The following CACNA2D3 variants were observed in gnomAD, a reference collection of about 807,000 sequenced individuals.
CACNA2D3 encodes the protein voltage-dependent calcium channel subunit alpha-2/delta-3.
A neutral mutation model predicts 160.6 loss-of-function variants in CACNA2D3; 60 were observed. The observed-to-expected ratio is 0.37, with a 90% CI of 0.30 to 0.46. The LOEUF (loss-of-function observed/expected upper bound fraction) is 0.46. Among genes scored for constraint, CACNA2D3 ranks in the 20% least tolerant of loss-of-function variants. CACNA2D3 has a pLI of 1.00. For missense variants in CACNA2D3, 1,205 were observed against 1,365.0 expected (o/e 0.88, Z 1.85); for synonymous variants, 558 against 492.9 (o/e 1.13, Z -1.75).
chr3:54,476,278 T>C (rs1700829951), intron 4 of CACNA2D3, among the ~76,000 whole-genome samples: 1 of 150,576 alleles, frequency 6.6e-6, no homozygotes, highest in African/African-American at 2.4e-5. Flanking sequence ...ATATATCACA[T>C]ATATCACATT....
At chr3:54,691,734 T>A (rs1428584813) in intron 11 of CACNA2D3, among the ~76,000 whole-genome samples, 1 of 152,186 alleles carries the variant, frequency 6.6e-6, no homozygotes, top group Non-Finnish European at 1.5e-5. Flanking sequence ...GAGGATGTGT[T>A]GCTGTATTTT....
chr3:54,871,448 A>G (rs965734744), intron 17 of CACNA2D3, 91 bp from the exon 18 acceptor site: 8 of 937,556 alleles, frequency 8.5e-6, no homozygotes, highest in African/African-American at 8.1e-5. Flanking sequence ...AGCCCTGTCC[A>G]TGAAACAGGA....
At chr3:54,204,684 T>C (rs1185952844) in intron 2 of CACNA2D3, among the ~76,000 whole-genome samples, 1 of 149,870 alleles carries the variant, frequency 6.7e-6, no homozygotes. Flanking sequence ...TAATCCCAGC[T>C]ACTTGGGAGG....
chr3:54,951,184 T>C (rs1157844440), intron 27 of CACNA2D3, among the ~76,000 whole-genome samples: 3 of 152,144 alleles, frequency 2.0e-5, no homozygotes, highest in Admixed American at 1.3e-4. Context: ...TACAAGATAA[T>C]ACAGAATAAA....
chr3:54,930,522 T>C (rs530829657), intron 27 of CACNA2D3, among the ~76,000 whole-genome samples: 2 of 152,318 alleles, frequency 1.3e-5, no homozygotes, highest in South Asian at 4.1e-4. Context: ...CTTGGGGGCC[T>C]GAAAATGATC....
At chr3:54,599,385 C>T (rs1703021131) in intron 9 of CACNA2D3, among the ~76,000 whole-genome samples, 1 of 152,154 alleles carries the variant, frequency 6.6e-6, no homozygotes, top group Non-Finnish European at 1.5e-5. Context: ...CAAATGTCGG[C>T]AATTTCATGT....
intron 2 of CACNA2D3, among the ~76,000 whole-genome samples, chr3:54,208,926 C>T (rs1317627840): frequency 1.3e-5 from 2 of 151,922 alleles, no homozygotes; most frequent in Non-Finnish European, 2.9e-5. Flanking sequence ...TGGTGGAAGG[C>T]AAAAGGCACA....
In CACNA2D3 at chr3:54,870,544, A is replaced by C. The variant is rs141671508; in HGVS notation, c.1627-995A>C. Among the ~76,000 whole-genome samples, 448 of 152,260 alleles carry C rather than the reference A, an allele frequency of 2.9e-3. 4 individuals are homozygous for C. The highest frequency in any genetic ancestry group is 0.01 in the African/African-American group (427 of 41,538). On this transcript the variant is annotated intron_variant, in intron 17 of 37. Transcript: ENST00000474759. ...AGAGGGCAGACTTTCCTACATTATAAACACCCCACAACCAGCATGAAAGGC... is the reference window on the plus strand; with the variant it reads ...AGAGGGCAGACTTTCCTACATTATACACACCCCACAACCAGCATGAAAGGC...
chr3:54,152,867 C>T (rs965050268), intron 2 of CACNA2D3, among the ~76,000 whole-genome samples: 8 of 152,204 alleles, frequency 5.3e-5, no homozygotes, highest in Non-Finnish European at 8.8e-5. Context: ...AGGGGAGCCC[C>T]TCTTGCTTCT....
intron 34 of CACNA2D3, among the ~76,000 whole-genome samples, chr3:55,012,368 CTTG>C (rs1703229654): frequency 1.3e-5 from 2 of 151,974 alleles, no homozygotes; most frequent in South Asian, 2.1e-4. Context: ...AGGCAGCAGG[CTTG>C]TTGTTTTCAG....
rs369851707 is a variant in CACNA2D3 at position 54,924,705 on chromosome 3, C to T, written c.2449+24837C>T. On this transcript the variant is annotated intron_variant, in intron 27 of 37. Transcript: ENST00000474759. ...GAGGTTGTCCTTGAGAAGTAAAAGC[C>T]TCACACTGGGCATGGATTCCAGGAG... 12 of 1,614,120 alleles carry T rather than the reference C, an allele frequency of 7.4e-6. No homozygotes were observed. In the African/African-American group the frequency reaches 1.2e-4, roughly 16 times the overall value.
At chr3:54,483,491 C>T (rs907296837) in intron 4 of CACNA2D3, among the ~76,000 whole-genome samples, 2 of 152,222 alleles carry the variant, frequency 1.3e-5, no homozygotes, top group Admixed American at 6.5e-5. Flanking sequence ...GTATTGTCAG[C>T]ACAGAAGAGT....
Position 54,977,197 on chromosome 3 carries a change from A to G in CACNA2D3, c.2556+7353A>G, listed in dbSNP as rs368856376. Among the ~76,000 whole-genome samples, 123 of 152,314 alleles carry G rather than the reference A, an allele frequency of 8.1e-4. 2 individuals carry two copies. In the South Asian group the frequency reaches 0.024, roughly 30 times the overall value. On this transcript the variant is annotated intron_variant, in intron 29 of 37. Transcript: ENST00000474759. ...GACCACAAAAAGGGTAAAATATAGT[A>G]AAGAGTTTGATCAATTTTCCTAGGG...
intron 2 of CACNA2D3, among the ~76,000 whole-genome samples, chr3:54,258,164 C>CA (rs1419268425): frequency 6.6e-6 from 1 of 152,164 alleles, no homozygotes; most frequent in East Asian, 1.9e-4. Context: ...ATTTCTAGTA[C>CA]ACCAGTACTT....
At chr3:54,769,723 A>T (rs1184118636) in intron 13 of CACNA2D3, among the ~76,000 whole-genome samples, 1 of 152,234 alleles carries the variant, frequency 6.6e-6, no homozygotes, top group Non-Finnish European at 1.5e-5. Context: ...GTTTTTAAAA[A>T]TACTGGATTC....
At chr3:54,627,124 C>G (rs1022097335) in intron 9 of CACNA2D3, among the ~76,000 whole-genome samples, 1 of 152,220 alleles carries the variant, frequency 6.6e-6, no homozygotes, top group South Asian at 2.1e-4. Flanking sequence ...TCTACTGAGC[C>G]CCTTCTGTGT....
chr3:54,932,199 G>T (rs1169556400), intron 27 of CACNA2D3, among the ~76,000 whole-genome samples: 1 of 151,918 alleles, frequency 6.6e-6, no homozygotes, highest in Non-Finnish European at 1.5e-5. Flanking sequence ...AATAATAAAT[G>T]AAAAAGAATA....
At chr3:54,828,616 A>G (rs1208159544) in intron 14 of CACNA2D3, among the ~76,000 whole-genome samples, 1 of 152,238 alleles carries the variant, frequency 6.6e-6, no homozygotes, top group Non-Finnish European at 1.5e-5. Context: ...AGATTCTCAT[A>G]TAGATGTTCC....
At chr3:55,067,097 G>T (rs1205594455) in intron 35 of CACNA2D3, among the ~76,000 whole-genome samples, 1 of 147,064 alleles carries the variant, frequency 6.8e-6, no homozygotes, top group Admixed American at 7.1e-5. Flanking sequence ...GCAATCTTTT[G>T]TAGCGGGGGG....
Sources: gnomAD v4.1 joint callset for allele counts (sites outside exome capture counted in the v4.1 genomes callset) on GRCh38, gnomAD v4.1.1 for gene constraint, MANE v1.5 for transcripts, NCBI Gene and HGNC (gene_info 2026-07-23, HGNC 2026-07-21) for gene names.